Variants in AGBL4 observed in about 807,000 individuals in gnomAD.
AGBL4 encodes the protein AGBL carboxypeptidase 4.
In AGBL4, 58 loss-of-function variants were observed where a neutral mutation model predicts 66.4. That is an observed-to-expected ratio of 0.87 (90% CI 0.71 to 1.09). The LOEUF (loss-of-function observed/expected upper bound fraction) is 1.09, where lower values mean the gene tolerates loss of function less well. Among genes scored for constraint, AGBL4 ranks in the 50% least tolerant of loss-of-function variants. The probability of loss-of-function intolerance (pLI) is 0.00; values close to 1 mark genes in which losing one functional copy is unlikely to be tolerated. For missense variants in AGBL4, 579 were observed against 631.0 expected (o/e 0.92, Z 0.88); for synonymous variants, 234 against 222.9 (o/e 1.05, Z -0.44).
At chr1:48,647,648 G>A (rs758423670) in intron 8 of AGBL4, 20 of 437,874 alleles carry the variant, frequency 4.6e-5, no homozygotes, top group South Asian at 9.9e-5. Context: ...TCATATTGTT[G>A]TACGGAGATG....
intron 8 of AGBL4, among the ~76,000 whole-genome samples, chr1:48,635,554 G>C (rs1033804690): frequency 2.0e-5 from 3 of 152,218 alleles, no homozygotes; most frequent in African/African-American, 7.2e-5. Context: ...ATATCACTGA[G>C]TTCAGTCCCC....
intron 3 of AGBL4, among the ~76,000 whole-genome samples, chr1:49,628,454 C>T (rs997318147): frequency 1.3e-5 from 2 of 152,142 alleles, no homozygotes; most frequent in Non-Finnish European, 2.9e-5. Flanking sequence ...ATGCTTTCTT[C>T]TTTGTAATAA....
intron 1 of AGBL4, among the ~76,000 whole-genome samples, chr1:49,954,651 ATAAC>A (rs754468442): frequency 2.6e-5 from 4 of 152,008 alleles, no homozygotes; most frequent in Non-Finnish European, 5.9e-5. Context: ...ATATGGCACT[ATAAC>A]TAAGTTCTGA....
At chr1:48,838,110 A>G (rs1242651697) in intron 6 of AGBL4, among the ~76,000 whole-genome samples, 1 of 152,000 alleles carries the variant, frequency 6.6e-6, no homozygotes, top group African/African-American at 2.4e-5. Flanking sequence ...GCAATGAATA[A>G]CTACCCAAAG....
Position 48,797,605 on chromosome 1 carries a change from C to CT in AGBL4, c.634+69585dup, listed in dbSNP as rs1234135635. 3.5e-3 allele frequency among the ~76,000 whole-genome samples: 527 copies of CT among 149,994 alleles called. 3 individuals carry two copies. The highest frequency in any genetic ancestry group is 0.011 in the African/African-American group (433 of 40,990). ...ATAGTGCATGTATATACCACATTAT[C>CT]TTTTTTTTTTGAGACGGAGTCTCAC... is the stretch of plus-strand genomic sequence containing the variant. On this transcript the variant is annotated intron_variant, in intron 6 of 13. Coordinates refer to ENST00000371839, the MANE Select transcript of AGBL4 (RefSeq NM_032785.4).
At chr1:49,680,292 G>A (rs559796112) in intron 3 of AGBL4, among the ~76,000 whole-genome samples, 35 of 151,670 alleles carry the variant, frequency 2.3e-4, no homozygotes, top group African/African-American at 6.5e-4. Flanking sequence ...CTTGTGATCC[G>A]CCTACCTCTG....
chr1:49,699,108 C>T (rs1414360837), intron 2 of AGBL4, among the ~76,000 whole-genome samples: 1 of 152,044 alleles, frequency 6.6e-6, no homozygotes, highest in East Asian at 1.9e-4. Context: ...ACCATAGCTA[C>T]AACCAATTCA....
intron 4 of AGBL4, among the ~76,000 whole-genome samples, chr1:49,161,408 T>A (rs1294325406): frequency 6.6e-6 from 1 of 152,168 alleles, no homozygotes; most frequent in Non-Finnish European, 1.5e-5. Flanking sequence ...CCCAATGAGA[T>A]GAACTGGTTA....
At position 49,966,904 on chromosome 1, in the gene AGBL4, C is replaced by T. The variant is rs1364766430; in HGVS notation, c.34+56859G>A. The stretch of plus-strand genomic sequence containing the variant: ...CAAACTGCTATCTAAAAAGATTATA[C>T]TGTTGGACATTTGGGTTGGTTCCAA... On this transcript the variant is annotated intron_variant, in intron 1 of 13. Coordinates refer to ENST00000371839, the MANE Select transcript of AGBL4 (RefSeq NM_032785.4). Among the ~76,000 whole-genome samples, 6 of 152,230 alleles carry T rather than the reference C, an allele frequency of 3.9e-5. 1 individual carries two copies. The highest frequency in any genetic ancestry group is 1.3e-4 in the Admixed American group (2 of 15,294).
At chr1:49,527,671 G>A (rs763585725) in intron 3 of AGBL4, 5 of 151,816 alleles carry the variant, frequency 3.3e-5, no homozygotes, top group African/African-American at 7.3e-5. Context: ...CTCTTATAAC[G>A]TTTATCAAGC....
chr1:48,960,394 T>C (rs1011016648), intron 5 of AGBL4, among the ~76,000 whole-genome samples: 2 of 152,162 alleles, frequency 1.3e-5, no homozygotes, highest in Non-Finnish European at 2.9e-5. Context: ...AGTTAACAAT[T>C]GGATGTATGA....
At chr1:49,221,962 G>T (rs1312366316) in intron 4 of AGBL4, among the ~76,000 whole-genome samples, 1 of 152,086 alleles carries the variant, frequency 6.6e-6, no homozygotes, top group Non-Finnish European at 1.5e-5. Flanking sequence ...TTCAGCTCTG[G>T]TTCAGGGTTA....
chr1:48,992,382 G>A (rs540113877), intron 5 of AGBL4, among the ~76,000 whole-genome samples: 136 of 152,176 alleles, frequency 8.9e-4, no homozygotes, highest in Middle Eastern at 3.4e-3. Flanking sequence ...GCTCCCTGGA[G>A]CAAATATCCC....
intron 6 of AGBL4, among the ~76,000 whole-genome samples, chr1:48,861,032 T>G (rs1185400578): frequency 6.6e-6 from 1 of 152,002 alleles, no homozygotes; most frequent in Non-Finnish European, 1.5e-5. Context: ...CAAGAAATTA[T>G]GAAACAGAAC....
intron 3 of AGBL4, among the ~76,000 whole-genome samples, chr1:49,353,161 C>G (rs1434893362): frequency 1.3e-5 from 2 of 152,166 alleles, no homozygotes; most frequent in Non-Finnish European, 2.9e-5. Context: ...GGGTTTTAGT[C>G]CCAGCTCTGC....
chr1:49,296,399 C>T (rs752860263), intron 3 of AGBL4, among the ~76,000 whole-genome samples: 8 of 152,136 alleles, frequency 5.3e-5, no homozygotes, highest in Non-Finnish European at 1.0e-4. Flanking sequence ...TGTCCCTCTA[C>T]CCCAAACTCT....
At chr1:49,825,794 G>C (rs547457556) in intron 2 of AGBL4, among the ~76,000 whole-genome samples, 49 of 151,914 alleles carry the variant, frequency 3.2e-4, no homozygotes, top group South Asian at 8.3e-4. Context: ...CCACTCTGCA[G>C]ACTTGCCACC....
intron 3 of AGBL4, among the ~76,000 whole-genome samples, chr1:49,262,198 A>G (rs1653246387): frequency 6.6e-6 from 1 of 152,228 alleles, no homozygotes; most frequent in African/African-American, 2.4e-5. Context: ...ACCTAAAACC[A>G]TAAAAACCCT....
intron 1 of AGBL4, among the ~76,000 whole-genome samples, chr1:49,982,777 T>TG (rs1350373543): frequency 6.6e-6 from 1 of 152,116 alleles, no homozygotes; most frequent in African/African-American, 2.4e-5. Flanking sequence ...GGAGAGGGGC[T>TG]ACCCACTCCA....
Sources: allele counts gnomAD v4.1 joint callset (sites outside exome capture counted in the v4.1 genomes callset), GRCh38; gene constraint gnomAD v4.1.1; transcripts MANE v1.5; gene names NCBI Gene and HGNC (gene_info 2026-07-23, HGNC 2026-07-21).